The following CCDC149 variants were observed in gnomAD, a reference collection of about 807,000 sequenced individuals.
CCDC149 encodes the protein coiled-coil domain containing 149.
A neutral mutation model predicts 59.9 loss-of-function variants in CCDC149; 45 were observed. That is an observed-to-expected ratio of 0.75 (90% CI 0.59 to 0.96). The LOEUF (loss-of-function observed/expected upper bound fraction) is 0.96, where lower values mean the gene tolerates loss of function less well. Ranked by LOEUF, CCDC149 falls within the 40% of genes least tolerant of loss-of-function variation. CCDC149 has a pLI of 0.00. For missense variants in CCDC149, 584 were observed against 664.7 expected (o/e 0.88, Z 1.33); for synonymous variants, 245 against 260.6 (o/e 0.94, Z 0.58).
chr4:24,814,074 G>T (rs2109093161), intron 12 of CCDC149, among the ~76,000 whole-genome samples: 1 of 152,196 alleles, frequency 6.6e-6, no homozygotes, highest in South Asian at 2.1e-4. Flanking sequence ...TAGCCTTTTT[G>T]ATGACCATAG....
chr4:24,831,009 CATTTTA>C (rs1716109881), intron 9 of CCDC149: 1 of 154,334 alleles, frequency 6.5e-6, no homozygotes, highest in Non-Finnish European at 1.4e-5. Context: ...TAAGACATTC[CATTTTA>C]ATTACCCTTC....
chr4:24,869,375 G>T (rs1258218172), intron 3 of CCDC149, among the ~76,000 whole-genome samples: 1 of 152,184 alleles, frequency 6.6e-6, no homozygotes, highest in African/African-American at 2.4e-5. Flanking sequence ...TGGGCTCCTG[G>T]GCCCTGCTGT....
At chr4:24,900,439 G>C (rs776527044) in intron 1 of CCDC149, among the ~76,000 whole-genome samples, 6 of 152,172 alleles carry the variant, frequency 3.9e-5, no homozygotes, top group Non-Finnish European at 7.3e-5. Flanking sequence ...ATGAGGATGT[G>C]AGATCACAGT....
chr4:24,944,023 T>A (rs563759708), intron 1 of CCDC149, among the ~76,000 whole-genome samples: 9 of 152,146 alleles, frequency 5.9e-5, no homozygotes, highest in Non-Finnish European at 1.2e-4. Context: ...CTACAAATAC[T>A]ATTTGACCCA....
At chr4:24,961,383 C>A (rs568951128) in intron 1 of CCDC149, among the ~76,000 whole-genome samples, 37 of 152,272 alleles carry the variant, frequency 2.4e-4, no homozygotes, top group African/African-American at 8.7e-4. Flanking sequence ...GGCCATACTG[C>A]CCAAGGTAAT....
intron 1 of CCDC149, among the ~76,000 whole-genome samples, chr4:24,927,513 G>T (rs553599807): frequency 6.6e-6 from 1 of 152,284 alleles, no homozygotes; most frequent in South Asian, 2.1e-4. Context: ...TCAAGAACAC[G>T]ACTCAAACTT....
chr4:24,897,842 G>T (rs1720927395), intron 1 of CCDC149, among the ~76,000 whole-genome samples: 1 of 152,228 alleles, frequency 6.6e-6, no homozygotes, highest in Admixed American at 6.5e-5. Context: ...AATGGCAGCT[G>T]CCCAGGCTTG....
intron 1 of CCDC149, among the ~76,000 whole-genome samples, chr4:24,879,154 G>A (rs1719668209): frequency 6.6e-6 from 1 of 152,174 alleles, no homozygotes; most frequent in Non-Finnish European, 1.5e-5. Context: ...GGCTGAAGGT[G>A]AGACATCTTC....
chr4:24,839,789 C>A (rs1716825633), intron 4 of CCDC149, among the ~76,000 whole-genome samples: 1 of 152,186 alleles, frequency 6.6e-6, no homozygotes, highest in Admixed American at 6.5e-5. Flanking sequence ...AAAGTTATGG[C>A]AGCACTTTCC....
chr4:24,962,252 C>T (rs1162676004), intron 1 of CCDC149, among the ~76,000 whole-genome samples: 2 of 151,968 alleles, frequency 1.3e-5, no homozygotes, highest in East Asian at 1.9e-4. Flanking sequence ...AAATCAAAAC[C>T]GCAATGAGAT....
chr4:24,876,825 G>C, intron 1 of CCDC149, 128 bp from the exon 2 acceptor site: 1 of 890,152 alleles, frequency 1.1e-6, no homozygotes, highest in Admixed American at 2.8e-5. Flanking sequence ...TGTGCCGAGA[G>C]AGACATTTTT....
intron 4 of CCDC149, among the ~76,000 whole-genome samples, chr4:24,847,687 A>G (rs532558965): frequency 2.8e-4 from 43 of 152,346 alleles, no homozygotes; most frequent in African/African-American, 9.6e-4. Context: ...GCCTGGAGAG[A>G]AAACTGACTT....
At chr4:24,865,980 C>T (rs994984776) in intron 3 of CCDC149, among the ~76,000 whole-genome samples, 3 of 152,066 alleles carry the variant, frequency 2.0e-5, no homozygotes, top group Non-Finnish European at 2.9e-5. Flanking sequence ...AAAATCATAC[C>T]ATTCAAAGTG....
At chr4:24,845,152 T>A (rs972314234) in intron 4 of CCDC149, among the ~76,000 whole-genome samples, 26 of 152,332 alleles carry the variant, frequency 1.7e-4, no homozygotes, top group Admixed American at 3.3e-4. Flanking sequence ...AAGTGCTTTA[T>A]AGAACTTTCT....
intron 1 of CCDC149, among the ~76,000 whole-genome samples, chr4:24,885,475 G>A (rs1207201956): frequency 6.6e-6 from 1 of 152,170 alleles, no homozygotes; most frequent in African/African-American, 2.4e-5. Context: ...TGTGATCACG[G>A]TGTCTAATGC....
At chr4:24,913,480 C>T (rs1489251337), upstream of CCDC149, among the ~76,000 whole-genome samples, 1 of 152,238 alleles carries the variant, frequency 6.6e-6, no homozygotes, top group Non-Finnish European at 1.5e-5. Flanking sequence ...TTATTATATA[C>T]TTAGCATTGT....
intron 9 of CCDC149, among the ~76,000 whole-genome samples, chr4:24,824,525 CT>C: frequency 6.6e-6 from 1 of 152,304 alleles, no homozygotes; most frequent in South Asian, 2.1e-4. Flanking sequence ...GGCAAAAACC[CT>C]GTGGTGTACA....
Position 24,842,046 on chromosome 4 carries a change from C to T in CCDC149, c.373-3774G>A, listed in dbSNP as rs77809693. ...ACACTATTCTATTTTTACATAATAC[C>T]GCTATTCCAAAGCATACATACACCA... On this transcript the variant is annotated intron_variant, in intron 4 of 12. Transcript: ENST00000635206. Among the ~76,000 whole-genome samples, 639 of 152,174 alleles carry T rather than the reference C, an allele frequency of 4.2e-3. 8 individuals are homozygous for T. The highest frequency in any genetic ancestry group is 0.014 in the African/African-American group (590 of 41,498).
In CCDC149 at chr4:24,821,919, G is replaced by A. The variant is rs76458481; in HGVS notation, c.1042+578C>T. ...CAGGAAATTCAGATTCTCAGGCTAAGTAAAAACGGGATGGGGGAAGGGAAG... is the reference window on the plus strand; with the variant it reads ...CAGGAAATTCAGATTCTCAGGCTAAATAAAAACGGGATGGGGGAAGGGAAG... On this transcript the variant is annotated intron_variant, in intron 10 of 12. Coordinates refer to ENST00000635206, the MANE Select transcript of CCDC149 (RefSeq NM_001330643.2). Among the ~76,000 whole-genome samples the A allele has an allele frequency of 3.3e-3, 504 of 152,282 alleles. 3 individuals carry two copies. The highest frequency in any genetic ancestry group is 0.011 in the African/African-American group (471 of 41,566).
Sources: allele counts gnomAD v4.1 joint callset (sites outside exome capture counted in the v4.1 genomes callset), GRCh38; gene constraint gnomAD v4.1.1; transcripts MANE v1.5; gene names NCBI Gene and HGNC (gene_info 2026-07-23, HGNC 2026-07-21).